CMIP: variants seen among roughly 807,000 people sequenced by gnomAD.
CMIP encodes the protein c-Maf inducing protein, also known as C-Maf-inducing protein.
Under a neutral mutation model 97.3 loss-of-function variants are expected in CMIP, and 13 were observed. That is an observed-to-expected ratio of 0.13 (90% CI 0.09 to 0.21). The LOEUF (loss-of-function observed/expected upper bound fraction) is 0.21, where lower values mean the gene tolerates loss of function less well. Ranked by LOEUF, CMIP falls within the 10% of genes least tolerant of loss-of-function variation. CMIP has a pLI of 1.00. For missense variants in CMIP, 847 were observed against 1,024.9 expected, an observed-to-expected ratio of 0.83 and a Z score of 2.37; for synonymous variants, 538 against 436.3, an observed-to-expected ratio of 1.23 and a Z score of -2.91.
intron 3 of CMIP, chr16:81,630,717 C>T (rs2092145159): frequency 6.6e-6 from 1 of 152,156 alleles, no homozygotes; most frequent in Non-Finnish European, 1.5e-5. Flanking sequence ...CCTGCTTCAT[C>T]CAGGTTGAAA....
intron 1 of CMIP, among the ~76,000 whole-genome samples, chr16:81,598,735 T>C (rs1336296668): frequency 6.6e-6 from 1 of 152,096 alleles, no homozygotes. Flanking sequence ...GAGAGACTGA[T>C]GCATGCGGAT....
chr16:81,596,325 A>G (rs181476015), intron 1 of CMIP, among the ~76,000 whole-genome samples: 5 of 151,930 alleles, frequency 3.3e-5, no homozygotes, highest in East Asian at 1.9e-4. Flanking sequence ...GGCCAACATG[A>G]TGAAACCCCA....
rs550953592 is a variant in CMIP, at chr16:81,627,440, A to G, written c.477+6514A>G. On this transcript the variant is annotated intron_variant, in intron 3 of 20. Transcript: ENST00000537098. This position sits in a 1 kb window ranked among gnomAD's most constrained non-coding sequence, Gnocchi z 4.6. ...GCGTGGGAGCCTCTCATGCGCCATC[A>G]TCAGTGTCTCCAAGTGGGTCCGACA... Among the ~76,000 whole-genome samples the G allele has an allele frequency of 2.6e-5, 4 of 152,088 alleles. No homozygotes were observed. The East Asian group carries it at 5.8e-4, about 22-fold the overall frequency.
Position 81,476,462 on chromosome 16 carries a change from T to G in CMIP, c.300+30921T>G, listed in dbSNP as rs1475430782. 4.7e-6 allele frequency: 4 copies of G among 847,406 alleles called. No homozygotes were observed. In the Admixed American group the frequency reaches 7.0e-5, roughly 15 times the overall value. 52.5% of individuals were successfully genotyped at this position (847,406 alleles called of 1,614,324 possible). ...TTGTTTGCAAACAGCTCGAAGGAGA[T>G]GCGGCCCAAGGGCTCGCCGTTGACA... On this transcript the variant is annotated intron_variant, in intron 1 of 20. Coordinates refer to ENST00000537098, the MANE Select transcript of CMIP (RefSeq NM_198390.3).
intron 1 of CMIP, among the ~76,000 whole-genome samples, chr16:81,590,322 C>T (rs1226007290): frequency 6.6e-6 from 1 of 152,204 alleles, no homozygotes; most frequent in Non-Finnish European, 1.5e-5. Flanking sequence ...CTGGAAGGCA[C>T]TGTCCCCAGC....
At chr16:81,593,633 C>A (rs190359421) in intron 1 of CMIP, among the ~76,000 whole-genome samples, 32 of 152,278 alleles carry the variant, frequency 2.1e-4, no homozygotes, top group Non-Finnish European at 4.1e-4. Context: ...TGAAAGTAAT[C>A]GCCTCCGTGT....
chr16:81,674,480 A>C (rs1200527699), intron 9 of CMIP, among the ~76,000 whole-genome samples: 1 of 152,166 alleles, frequency 6.6e-6, no homozygotes, highest in African/African-American at 2.4e-5. Context: ...CTCACACGTT[A>C]CATTTGGGAA....
At chr16:81,458,330 G>T (rs1028214786) in intron 1 of CMIP, among the ~76,000 whole-genome samples, 1 of 152,182 alleles carries the variant, frequency 6.6e-6, no homozygotes, top group Non-Finnish European at 1.5e-5. Flanking sequence ...GGTTCTACCC[G>T]CAGGCTTGGT....
intron 3 of CMIP, among the ~76,000 whole-genome samples, chr16:81,635,641 A>T (rs745309965): frequency 2.0e-5 from 3 of 152,194 alleles, no homozygotes; most frequent in Non-Finnish European, 4.4e-5. Flanking sequence ...CTGCCAGACA[A>T]ATATATATTT....
chr16:81,610,298 G>A (rs1567608834), intron 2 of CMIP: 8 of 985,484 alleles, frequency 8.1e-6, no homozygotes, highest in Middle Eastern at 5.2e-4. Context: ...TCAGGACAGA[G>A]CTGCCGCCGT....
At chr16:81,602,847 A>G (rs1483239139) in intron 1 of CMIP, among the ~76,000 whole-genome samples, 1 of 152,154 alleles carries the variant, frequency 6.6e-6, no homozygotes, top group Non-Finnish European at 1.5e-5. Flanking sequence ...CCTCCCCTGG[A>G]GCTCCGGTCG....
chr16:81,698,748 A>G (rs1378312821), intron 14 of CMIP, among the ~76,000 whole-genome samples: 1 of 152,114 alleles, frequency 6.6e-6, no homozygotes, highest in Non-Finnish European at 1.5e-5. Context: ...CTCAGCATCC[A>G]TTACACACTG....
chr16:81,541,388 A>T (rs543889374), intron 1 of CMIP, among the ~76,000 whole-genome samples: 21 of 152,268 alleles, frequency 1.4e-4, no homozygotes, highest in African/African-American at 4.8e-4. Context: ...GGAGCCGTGT[A>T]ACCTGTAACT....
chr16:81,458,072 G>T (rs1249295685), intron 1 of CMIP, among the ~76,000 whole-genome samples: 1 of 152,184 alleles, frequency 6.6e-6, no homozygotes, highest in Non-Finnish European at 1.5e-5. Context: ...GAAAGTTTTG[G>T]CGTAAGGAAA....
chr16:81,557,636 A>ATGG, intron 1 of CMIP, among the ~76,000 whole-genome samples: 2 of 152,062 alleles, frequency 1.3e-5, no homozygotes, highest in South Asian at 4.2e-4. Context: ...TTAGCCAGGC[A>ATGG]TGGTGGTGCA....
intron 1 of CMIP, among the ~76,000 whole-genome samples, chr16:81,533,502 G>T (rs186471552): frequency 4.6e-5 from 7 of 151,774 alleles, no homozygotes; most frequent in East Asian, 1.9e-4. Flanking sequence ...TTTTTGAGAC[G>T]GAGTCTCTTT....
At chr16:81,634,706 A>C (rs910545822) in intron 3 of CMIP, among the ~76,000 whole-genome samples, 1 of 152,206 alleles carries the variant, frequency 6.6e-6, no homozygotes, top group Non-Finnish European at 1.5e-5. Flanking sequence ...CTTACTGAAC[A>C]TTAATTTATT....
At chr16:81,681,559 G>A (rs1009623074) in intron 10 of CMIP, among the ~76,000 whole-genome samples, 27 of 152,244 alleles carry the variant, frequency 1.8e-4, no homozygotes, top group African/African-American at 6.0e-4. Flanking sequence ...AGACACCTCT[G>A]CGAGGTGAAC....
At chr16:81,579,300 G>T (rs1439206310) in intron 1 of CMIP, among the ~76,000 whole-genome samples, 1 of 152,192 alleles carries the variant, frequency 6.6e-6, no homozygotes, top group Non-Finnish European at 1.5e-5. Context: ...CAGCTCTCAG[G>T]TGTGGAAGGC....
Sources: gnomAD v4.1 joint callset for allele counts (sites outside exome capture counted in the v4.1 genomes callset) on GRCh38, gnomAD v4.1.1 for gene constraint, Gnocchi (gnomAD v3.1) non-coding constraint, MANE v1.5 for transcripts, NCBI Gene and HGNC (gene_info 2026-07-23, HGNC 2026-07-21) for gene names.